The following TREML1 variants were observed in gnomAD, a reference collection of about 807,000 sequenced individuals.
TREML1 encodes the protein trem-like transcript 1 protein.
TREML1 carries 27 observed loss-of-function variants against 22.8 expected under a neutral mutation model. The observed-to-expected ratio is 1.19, with a 90% confidence interval of 0.87 to 1.64. TREML1 has a LOEUF of 1.64. Ranked by LOEUF, TREML1 falls within the 40% of genes most tolerant of loss-of-function variation. The pLI, the probability that TREML1 is intolerant of heterozygous loss-of-function variation, is 0.00. For missense variants in TREML1, 356 were observed against 382.0 expected, an observed-to-expected ratio of 0.93 and a Z score of 0.57; for synonymous variants, 153 against 161.9, an observed-to-expected ratio of 0.94 and a Z score of 0.42.
chr6:41,153,613 C>T, intron 2 of TREML1, 145 bp downstream of exon 2: 1 of 781,794 alleles, frequency 1.3e-6, no homozygotes, highest in Admixed American at 2.9e-5. Context: ...TTGGTTTCCG[C>T]TCCCTGCAGA....
At chr6:41,154,510 G>A (rs781694261), upstream of TREML1, among the ~76,000 whole-genome samples, 5 of 152,304 alleles carry the variant, frequency 3.3e-5, no homozygotes, top group Admixed American at 6.5e-5. Context: ...GAGAAGACCC[G>A]AAGAAAGCTA....
At position 41,150,856 on chromosome 6, in the gene TREML1, C is replaced by T. The variant is rs183646739; in HGVS notation, c.531G>A (p.Ala177=). The T allele has an allele frequency of 2.1e-5, 34 of 1,614,070 alleles. No homozygotes were observed. Among genetic ancestry groups the T allele is most frequent in the Admixed American group, 3.3e-5 (2 of 60,016 alleles). ...TGGCCATCACAGCAAACAGCACCAC[C>T]GCTGCCACCAGCAGACCTACCAGGA... ...AVLLVGLLVA[A]VVLFAVMAKR... Residue 177 remains alanine, a synonymous_variant, in exon 4 of 6, where the codon GCG becomes GCA. Transcript: ENST00000426005.
chr6:41,152,906 T>C (rs1765303173), intron 2 of TREML1, among the ~76,000 whole-genome samples: 1 of 152,120 alleles, frequency 6.6e-6, no homozygotes, highest in Admixed American at 6.5e-5. Context: ...GAAAATGCTC[T>C]ACTTAATTTT....
rs141788989 is a variant in TREML1 at position 41,153,945 on chromosome 6, C to A, written c.189G>T (p.Val63=). 1 of 1,614,130 alleles carries A rather than the reference C, an allele frequency of 6.2e-7. No individual in the cohort carries two copies. The highest frequency in any genetic ancestry group is 8.5e-7 in the Non-Finnish European group (1 of 1,180,050). Residue 63 remains valine, a synonymous_variant, in exon 2 of 6, where the codon GTG becomes GTT. Transcript: ENST00000426005. ...RFLPEGCQPL[V]SSAVDRRAPA... is the part of the protein sequence containing the mutation. ...GAGCTCTGCGATCCACAGCTGAGGA[C>A]ACCAGGGGCTGGCACCCCTCCGGCA...
Position 41,150,272 on chromosome 6 carries a change from C to T in TREML1, c.610G>A (p.Val204Ile). ...CAGAGGCCTCTTACCATGCCTGAAA[C>T]TCTGCTGCTCAGGAATCGGCCACAG... ...GVCGRFLSSR[V>I]SGMNPSSVVH... The change falls in exon 5 of 6, where the codon GTT (valine) becomes ATT (isoleucine). Residue 204 changes from valine (V) to isoleucine (I), a missense_variant. Val to Ile is a conservative substitution (Grantham distance 29). Coordinates refer to ENST00000426005, the MANE Select transcript of TREML1 (RefSeq NM_178174.4). 2 of 1,614,032 alleles carry T rather than the reference C, an allele frequency of 1.2e-6. No individual in the cohort carries two copies. The highest frequency in any genetic ancestry group is 8.5e-7 in the Non-Finnish European group (1 of 1,179,966).
intron 3 of TREML1, 25 bp downstream of exon 3, chr6:41,151,257 C>T: frequency 6.2e-7 from 1 of 1,603,424 alleles, no homozygotes; most frequent in Non-Finnish European, 8.5e-7. Context: ...TTCTCCTGGC[C>T]TCCCAAATCC....
At position 41,153,909 on chromosome 6, in the gene TREML1, C is replaced by A; in HGVS notation, c.225G>T (p.Arg75Ser). Residue 75 changes from arginine to serine, a missense_variant, in exon 2 of 6, where the codon AGG (arginine) becomes AGT (serine). Arg to Ser is a moderately radical substitution (Grantham distance 110). Coordinates refer to ENST00000426005, the MANE Select transcript of TREML1 (RefSeq NM_178174.4). ...SAVDRRAPAG[R>S]RTFLTDLGGG... ...CACCCAGGTCTGTGAGAAACGTACG[C>A]CTGCCCGCTGGAGCTCTGCGATCCA... is the stretch of plus-strand genomic sequence containing the variant. 6.2e-7 allele frequency: 1 copy of A among 1,614,218 alleles called. No homozygotes were observed.
intron 2 of TREML1, 130 bp from the exon 3 acceptor site, chr6:41,151,514 GA>G: frequency 1.4e-6 from 1 of 734,898 alleles, no homozygotes; most frequent in Non-Finnish European, 2.3e-6. Context: ...ACCCCAGGAA[GA>G]AACACAGAAA....
At chr6:41,152,185 C>A (rs559570884) in intron 2 of TREML1, among the ~76,000 whole-genome samples, 1 of 152,314 alleles carries the variant, frequency 6.6e-6, no homozygotes, top group Non-Finnish European at 1.5e-5. Context: ...GTTGCTGTGG[C>A]ACATGTCCTG....
rs1349433308 is a variant in TREML1 at position 41,154,023 on chromosome 6, C to T, written c.111G>A (p.Gln37=). ...QAPVGSSILV[Q]CHYRLQDVKA... is the part of the protein sequence containing the mutation. ...TGACATCCTGGAGCCTGTAGTGGCACTGCACCAGAATGGAGCTTCCCACGG... is the reference window on the plus strand; with the variant it reads ...TGACATCCTGGAGCCTGTAGTGGCATTGCACCAGAATGGAGCTTCCCACGG... The change falls in exon 2 of 6, where the codon CAG becomes CAA. Residue 37 remains glutamine (Q), a synonymous_variant. Transcript: ENST00000426005. The T allele has an allele frequency of 6.2e-7, 1 of 1,614,070 alleles. No homozygotes were observed. The highest frequency in any genetic ancestry group is 1.3e-5 in the African/African-American group (1 of 74,946).
intron 2 of TREML1, 63 bp from the exon 3 acceptor site, chr6:41,151,447 C>T: frequency 6.9e-7 from 1 of 1,455,350 alleles, no homozygotes; most frequent in Non-Finnish European, 9.6e-7. Context: ...TATGGGCAGG[C>T]TTCAATATCC....
intron 4 of TREML1, 150 bp from the exon 5 acceptor site, chr6:41,150,463 C>T: frequency 1.4e-6 from 1 of 729,262 alleles, no homozygotes; most frequent in Non-Finnish European, 2.2e-6. Context: ...CCCCTTCCAT[C>T]TCCCCAGCCT....
At chr6:41,151,451 A>G in intron 2 of TREML1, 67 bp from the exon 3 acceptor site, 1 of 1,438,902 alleles carries the variant, frequency 6.9e-7, no homozygotes, top group Non-Finnish European at 9.8e-7. Flanking sequence ...GGCAGGCTTC[A>G]ATATCCTGTT....
In TREML1 at chr6:41,153,908, G is replaced by A. The variant is rs764787984; in HGVS notation, c.226C>T (p.Arg76Cys). 14 of 1,614,038 alleles carry A rather than the reference G, an allele frequency of 8.7e-6. No homozygotes were observed. Among genetic ancestry groups the A allele is most frequent in the Non-Finnish European group, 1.1e-5 (13 of 1,180,034 alleles). Residue 76 changes from arginine (R) to cysteine (C), a missense_variant, in exon 2 of 6, where the codon CGT (arginine) becomes TGT (cysteine). Physicochemically the swap from Arg to Cys is radical, Grantham distance 180. Transcript: ENST00000426005. ...CCACCCAGGTCTGTGAGAAACGTAC[G>A]CCTGCCCGCTGGAGCTCTGCGATCC... ...AVDRRAPAGR[R>C]TFLTDLGGGL... is the part of the protein sequence containing the mutation.
At chr6:41,154,963 C>T (rs1001998932), upstream of TREML1, among the ~76,000 whole-genome samples, 2 of 152,040 alleles carry the variant, frequency 1.3e-5, no homozygotes, top group Non-Finnish European at 2.9e-5. Flanking sequence ...TATTGAATGT[C>T]GTGTGTTCAT....
At chr6:41,152,574 A>G (rs1765289702) in intron 2 of TREML1, among the ~76,000 whole-genome samples, 1 of 152,158 alleles carries the variant, frequency 6.6e-6, no homozygotes, top group African/African-American at 2.4e-5. Flanking sequence ...TTTAGAGGGA[A>G]AAAAAACAAG....
chr6:41,155,123 C>A (rs1249404312), upstream of TREML1, among the ~76,000 whole-genome samples: 2 of 152,002 alleles, frequency 1.3e-5, no homozygotes, highest in African/African-American at 2.4e-5. Flanking sequence ...ACAAGATATT[C>A]CTTATTCTTT....
upstream of TREML1, among the ~76,000 whole-genome samples, chr6:41,155,159 AT>A (rs1052652126): frequency 1.3e-5 from 2 of 152,262 alleles, no homozygotes; most frequent in Admixed American, 6.5e-5. Flanking sequence ...CTGGCATACT[AT>A]TTTTGTTTCA....
Position 41,149,901 on chromosome 6 carries a change from G to C in TREML1, c.639C>G (p.Val213=), listed in dbSNP as rs200033817. The C allele has an allele frequency of 1.2e-6, 2 of 1,613,452 alleles. No individual in the cohort carries two copies. Among genetic ancestry groups the C allele is most frequent in the Non-Finnish European group, 1.7e-6 (2 of 1,179,720 alleles). The stretch of plus-strand genomic sequence containing the variant: ...CCGGTCCAGAGTCACTGACGTGGTG[G>C]ACCACTGAGGAGGGATTCTGTAACA... ...RVSGMNPSSV[V]HHVSDSGPAA... Residue 213 remains valine, a synonymous_variant, in exon 6 of 6, where the codon GTC becomes GTG. Transcript: ENST00000426005.
Sources: allele counts gnomAD v4.1 joint callset (sites outside exome capture counted in the v4.1 genomes callset), GRCh38; gene constraint gnomAD v4.1.1; transcripts MANE v1.5; gene names NCBI Gene and HGNC (gene_info 2026-07-23, HGNC 2026-07-21).